The following ZNF397 variants were observed in gnomAD, a reference collection of about 807,000 sequenced individuals.
ZNF397 encodes zinc finger and SCAN domain-containing protein 15.
Under a neutral mutation model 50.6 loss-of-function variants are expected in ZNF397, and 38 were observed. The observed-to-expected ratio is 0.75, with a 90% CI of 0.58 to 0.98. ZNF397 has a LOEUF of 0.98. Among genes scored for constraint, ZNF397 ranks in the 50% least tolerant of loss-of-function variants. The pLI, the probability that ZNF397 is intolerant of heterozygous loss-of-function variation, is 0.00. For synonymous variants in ZNF397, 228 were observed against 215.2 expected (o/e 1.06, Z -0.52); for missense variants, 624 against 624.1 (o/e 1.00, Z 0.00).
At chr18:35,242,264 G>A (rs907637089) in intron 1 of ZNF397, 127 bp from the exon 2 acceptor site, 1 of 473,260 alleles carries the variant, frequency 2.1e-6, no homozygotes, top group African/African-American at 1.9e-5. Flanking sequence ...TCACATTATT[G>A]TTTTATTTAG....
chr18:35,253,534 C>A (rs372053054), downstream of ZNF397: 108 of 1,613,814 alleles, frequency 6.7e-5, no homozygotes, highest in African/African-American at 1.4e-3. Flanking sequence ...ATTCATAAGG[C>A]TTCTCTCCAG....
intron 2 of ZNF397, 95 bp downstream of exon 2, chr18:35,242,979 C>A (rs754373623): frequency 6.7e-7 from 1 of 1,499,082 alleles, no homozygotes; most frequent in Non-Finnish European, 8.9e-7. Flanking sequence ...TATGTCTCTA[C>A]TGAACCCTAA....
Position 35,245,527 on chromosome 18 carries a change from G to A in ZNF397, c.822G>A (p.Met274Ile), listed in dbSNP as rs901268178. 3.2e-6 allele frequency: 5 copies of A among 1,552,290 alleles called. No individual in the cohort carries two copies. In the African/African-American group the frequency reaches 4.1e-5, roughly 13 times the overall value. ...TGATTCTAACTACAGACTCTATAAT[G>A]TGTCAGAAAGTTCCTCCAGAAGAGA... Reference protein sequence around the residue: ...RCLILTTDSIMCQKVPPEERP... With the variant: ...RCLILTTDSIICQKVPPEERP... The change falls in exon 4 of 4, where the codon ATG (methionine) becomes ATA (isoleucine). Residue 274 changes from methionine (M) to isoleucine (I), a missense_variant. Physicochemically the swap from Met to Ile is conservative, Grantham distance 10. Coordinates refer to ENST00000330501, the MANE Select transcript of ZNF397 (RefSeq NM_001135178.3).
At chr18:35,244,891 TGA>T (rs1433732866) in intron 3 of ZNF397, among the ~76,000 whole-genome samples, 1 of 151,870 alleles carries the variant, frequency 6.6e-6, no homozygotes, top group Non-Finnish European at 1.5e-5. Context: ...CGAAACCACT[TGA>T]GAGAGAGTGA....
chr18:35,257,953 A>G (rs759354688), exon 6 of ZNF397: 5 of 780,982 alleles, frequency 6.4e-6, no homozygotes, highest in South Asian at 4.0e-5. Context: ...CACATCGTCA[A>G]TAAATCACCT....
In ZNF397 at chr18:35,247,183, ACTCT is replaced by A; in HGVS notation, c.*874_*877del. The A allele has an allele frequency of 1.0e-6, 1 of 985,214 alleles. No homozygotes were observed. The highest frequency in any genetic ancestry group is 1.2e-6 in the Non-Finnish European group (1 of 829,882). The allele number at this position is 985,214 out of a possible 1,614,324, so 61.0% of individuals were successfully genotyped here. A position where few individuals can be genotyped will look rare whatever the true frequency, so the allele number is the denominator to read the frequency against. ...GTCAGAGAAGTCTGGGTCTGGCCAG[ACTCT>A]TAAGCAGTGCCAATGGAGAAGTTCC... On this transcript the variant is annotated 3_prime_UTR_variant, in exon 4 of 4. Transcript: ENST00000330501.
chr18:35,244,564 G>A (rs1281874824), intron 3 of ZNF397, among the ~76,000 whole-genome samples: 8 of 152,140 alleles, frequency 5.3e-5, no homozygotes, highest in Admixed American at 4.6e-4. Context: ...TCGTGTTTGA[G>A]TGATTTACCC....
chr18:35,256,710 T>C (rs2043834624), intron 5 of ZNF397, among the ~76,000 whole-genome samples: 1 of 152,076 alleles, frequency 6.6e-6, no homozygotes, highest in Admixed American at 6.6e-5. Flanking sequence ...AAGAGGCTCT[T>C]TGGAGGAGAA....
rs1329271395 is a variant in ZNF397, at chr18:35,248,670, A to G, written c.*2360A>G. 1 of 152,106 alleles carries G rather than the reference A, an allele frequency of 6.6e-6. No individual in the cohort carries two copies. The highest frequency in any genetic ancestry group is 2.4e-5 in the African/African-American group (1 of 41,398). 9.4% of individuals were successfully genotyped at this position (152,106 alleles called of 1,614,324 possible). On this transcript the variant is annotated 3_prime_UTR_variant, in exon 4 of 4. Coordinates refer to ENST00000330501, the MANE Select transcript of ZNF397 (RefSeq NM_001135178.3). ...AGCCTGGGCAGCATAGTGAGACCCC[A>G]TCTCTACAAAAAATAAACAGAATTT... is the stretch of plus-strand genomic sequence containing the variant.
chr18:35,255,532 T>G (rs1320996127), intron 5 of ZNF397, among the ~76,000 whole-genome samples: 1 of 152,122 alleles, frequency 6.6e-6, no homozygotes, highest in Admixed American at 6.5e-5. Flanking sequence ...TTATGCTATC[T>G]GCCTTCCATA....
intron 2 of ZNF397, 103 bp from the exon 3 acceptor site, chr18:35,243,049 C>T: frequency 1.3e-6 from 2 of 1,548,460 alleles, no homozygotes; most frequent in Non-Finnish European, 8.8e-7. Context: ...TTTCCCCTGT[C>T]CTTCATCCCT....
downstream of ZNF397, chr18:35,254,593 A>G (rs1010415326): frequency 2.6e-5 from 20 of 778,076 alleles, no homozygotes; most frequent in South Asian, 1.3e-4. Context: ...ATGAATTAGT[A>G]TTGGAGAAGA....
At chr18:35,253,407 G>A (rs755764311), downstream of ZNF397, 1 of 1,497,248 alleles carries the variant, frequency 6.7e-7, no homozygotes, top group East Asian at 2.3e-5. Flanking sequence ...CCCCTACAGT[G>A]AACTCCTTGC....
downstream of ZNF397, among the ~76,000 whole-genome samples, chr18:35,250,757 C>T (rs775631074): frequency 6.6e-6 from 1 of 152,174 alleles, no homozygotes; most frequent in Non-Finnish European, 1.5e-5. Flanking sequence ...GCCACCTCCA[C>T]TAAAGGGAAG....
At chr18:35,252,513 A>T (rs2043635091), downstream of ZNF397, 2 of 152,190 alleles carry the variant, frequency 1.3e-5, no homozygotes, top group South Asian at 4.1e-4. Context: ...TCATTTTTTT[A>T]AAAATTAGGT....
Position 35,246,360 on chromosome 18 carries a change from TG to T in ZNF397, c.*51del. 6.8e-7 allele frequency: 1 copy of T among 1,471,756 alleles called. No individual in the cohort carries two copies. Among genetic ancestry groups the T allele is most frequent in the South Asian group, 1.4e-5 (1 of 69,108 alleles). 91.2% of individuals were successfully genotyped at this position (1,471,756 alleles called of 1,614,324 possible). A position where few individuals can be genotyped will look rare whatever the true frequency, so the allele number is the denominator to read the frequency against. ...AATACTTCAGTCAGATTTTTAAGTT[TG>T]TTAGTCAAAAGAGTTTACTTTGGAG... is the stretch of plus-strand genomic sequence containing the variant. On this transcript the variant is annotated 3_prime_UTR_variant, in exon 4 of 4. Transcript: ENST00000330501.
rs2043517891 is a variant in ZNF397, at chr18:35,248,474, T to C, written c.*2164T>C. The C allele has an allele frequency of 1.3e-5, 2 of 152,150 alleles. No homozygotes were observed. Among genetic ancestry groups the C allele is most frequent in the Admixed American group, 6.6e-5 (1 of 15,266 alleles). The allele number at this position is 152,150 out of a possible 1,614,324, so 9.4% of individuals were successfully genotyped here. On this transcript the variant is annotated 3_prime_UTR_variant, in exon 4 of 4. Coordinates refer to ENST00000330501, the MANE Select transcript of ZNF397 (RefSeq NM_001135178.3). ...TAAAGACCTGAACAAACTGAAAAGG[T>C]AGGACGTAAAGTAGGAATTGTAAAA...
intron 3 of ZNF397, among the ~76,000 whole-genome samples, 179 bp from the exon 4 acceptor site, chr18:35,245,083 A>C (rs2043450170): frequency 1.3e-5 from 2 of 152,184 alleles, no homozygotes; most frequent in African/African-American, 4.8e-5. Flanking sequence ...TGGAATTCGA[A>C]GTGTAGATGT....
chr18:35,246,990 C>A lies in ZNF397; in HGVS notation c.*680C>A. On this transcript the variant is annotated 3_prime_UTR_variant, in exon 4 of 4. Transcript: ENST00000330501. ...TGCTCCTATGTGACCTTAAGGAGCA[C>A]CTGACTCAGCCTTGGATAAGGAAAT... The A allele has an allele frequency of 1.2e-6, 1 of 860,152 alleles. No individual in the cohort carries two copies. Among genetic ancestry groups the A allele is most frequent in the Non-Finnish European group, 1.4e-6 (1 of 715,898 alleles). The allele number at this position is 860,152 out of a possible 1,614,324, so 53.3% of individuals were successfully genotyped here. A position where few individuals can be genotyped will look rare whatever the true frequency, so the allele number is the denominator to read the frequency against.
Sources: gnomAD v4.1 joint callset for allele counts (sites outside exome capture counted in the v4.1 genomes callset) on GRCh38, gnomAD v4.1.1 for gene constraint, MANE v1.5 for transcripts, NCBI Gene and HGNC (gene_info 2026-07-23, HGNC 2026-07-21) for gene names.